The following HS2ST1 variants were observed in gnomAD, a reference collection of about 807,000 sequenced individuals.
HS2ST1 encodes heparan sulfate 2-O-sulfotransferase 1, also known as 2-O-sulfotransferase.
A neutral mutation model predicts 42.9 loss-of-function variants in HS2ST1; 18 were observed. That is an observed-to-expected ratio of 0.42 (90% CI 0.29 to 0.62). The LOEUF (loss-of-function observed/expected upper bound fraction) is 0.62, where lower values mean the gene tolerates loss of function less well. HS2ST1 is among the 20% of genes least tolerant of loss of function. The pLI is 0.21. For synonymous variants in HS2ST1, 146 were observed against 152.9 expected (o/e 0.95, Z 0.33); for missense variants, 334 against 433.8 (o/e 0.77, Z 2.04).
At position 87,073,049 on chromosome 1, in the gene HS2ST1, A is replaced by C. The variant is rs1374877778; in HGVS notation, c.240A>C (p.Arg80Ser). The change falls in exon 2 of 7, where the codon AGA becomes AGC. Residue 80 changes from arginine (R) to serine (S), a missense_variant. Physicochemically the swap from Arg to Ser is moderately radical, Grantham distance 110. Transcript: ENST00000370550. ...AGGACATGGTGATCATTTATAACAG[A>C]GTTCCCAAAACGGCAAGCACTTCAT... ...EEEDMVIIYN[R>S]VPKTASTSFT... The C allele has an allele frequency of 3.1e-6, 5 of 1,613,982 alleles. No homozygotes were observed. In the Admixed American group the frequency reaches 8.3e-5, roughly 27 times the overall value.
intron 1 of HS2ST1, among the ~76,000 whole-genome samples, chr1:86,983,824 C>G (rs1381560157): frequency 6.6e-6 from 1 of 152,004 alleles, no homozygotes; most frequent in African/African-American, 2.4e-5. Flanking sequence ...GGGTGGATCA[C>G]AAGGTCAGGA....
intron 1 of HS2ST1, among the ~76,000 whole-genome samples, chr1:86,969,724 T>C (rs2102207785): frequency 6.6e-6 from 1 of 151,598 alleles, no homozygotes; most frequent in East Asian, 1.9e-4. Flanking sequence ...ATAATTTAAA[T>C]ATTTTAATTA....
intron 3 of HS2ST1, among the ~76,000 whole-genome samples, chr1:87,090,928 C>T (rs1651924993): frequency 6.6e-6 from 1 of 152,028 alleles, no homozygotes; most frequent in East Asian, 1.9e-4. Flanking sequence ...GTACCTTCCT[C>T]ATTACATAAG....
intron 1 of HS2ST1, among the ~76,000 whole-genome samples, chr1:87,071,081 T>C (rs1651391726): frequency 6.6e-6 from 1 of 152,244 alleles, no homozygotes; most frequent in African/African-American, 2.4e-5. Context: ...TATATTTGCA[T>C]ATAAATATAT....
chr1:86,918,786 A>G lies in HS2ST1; in HGVS notation c.124+3626A>G, dbSNP rs940957490. Among the ~76,000 whole-genome samples, 148 of 152,124 alleles carry G rather than the reference A, an allele frequency of 9.7e-4. 1 individual carries two copies. Among genetic ancestry groups the G allele is most frequent in the African/African-American group, 3.4e-3 (140 of 41,556 alleles). ...TAATTTTTGCCAGTGTGAAGCTGTGAAATGATATATTCAATTAATTTACCT... is the reference window on the plus strand; with the variant it reads ...TAATTTTTGCCAGTGTGAAGCTGTGGAATGATATATTCAATTAATTTACCT... On this transcript the variant is annotated intron_variant, in intron 1 of 6. Transcript: ENST00000370550.
rs189766951 is a variant in HS2ST1 at position 87,109,770 on chromosome 1, A to G, written c.*5074A>G. The G allele has an allele frequency of 6.6e-6, 1 of 152,204 alleles. No individual in the cohort carries two copies. The highest frequency in any genetic ancestry group is 2.4e-5 in the African/African-American group (1 of 41,550). The allele number at this position is 152,204 out of a possible 1,614,324, so 9.4% of individuals were successfully genotyped here. ...AACAAAGAGCATGGCTTGAGAATCA[A>G]AGGGATCTGCATTTAGCAATGTGAT... On this transcript the variant is annotated 3_prime_UTR_variant, in exon 7 of 7. Coordinates refer to ENST00000370550, the MANE Select transcript of HS2ST1 (RefSeq NM_012262.4).
In HS2ST1 at chr1:87,105,299, A is replaced by C. The variant is rs1389596524; in HGVS notation, c.*603A>C. 1 of 152,598 alleles carries C rather than the reference A, an allele frequency of 6.6e-6. No homozygotes were observed. Among genetic ancestry groups the C allele is most frequent in the Non-Finnish European group, 1.5e-5 (1 of 67,988 alleles). 9.5% of individuals were successfully genotyped at this position (152,598 alleles called of 1,614,324 possible). A position where few individuals can be genotyped will look rare whatever the true frequency, so the allele number is the denominator to read the frequency against. On this transcript the variant is annotated 3_prime_UTR_variant, in exon 7 of 7. Coordinates refer to ENST00000370550, the MANE Select transcript of HS2ST1 (RefSeq NM_012262.4). ...GGTGATTAGTGTTAAAAATCAATTT[A>C]AATCATGACTAATATGGTAAAAAGA...
At chr1:87,095,754 T>C (rs1570545077) in intron 4 of HS2ST1, among the ~76,000 whole-genome samples, 1 of 152,126 alleles carries the variant, frequency 6.6e-6, no homozygotes, top group East Asian at 1.9e-4. Context: ...TGTTTTGGGT[T>C]ATATCTATTG....
intron 1 of HS2ST1, among the ~76,000 whole-genome samples, chr1:86,971,599 A>G (rs1242651235): frequency 6.6e-6 from 1 of 152,208 alleles, no homozygotes; most frequent in Non-Finnish European, 1.5e-5. Flanking sequence ...TACACGTCCA[A>G]TCTTAGAGTA....
chr1:87,073,593 G>C (rs1287939358), intron 2 of HS2ST1, among the ~76,000 whole-genome samples: 1 of 152,144 alleles, frequency 6.6e-6, no homozygotes, highest in Non-Finnish European at 1.5e-5. Flanking sequence ...GATACAGAGA[G>C]AGTTTATATA....
intron 1 of HS2ST1, among the ~76,000 whole-genome samples, chr1:86,929,904 A>G (rs1570427914): frequency 6.6e-6 from 1 of 151,906 alleles, no homozygotes; most frequent in African/African-American, 2.4e-5. Flanking sequence ...AATACAGAAC[A>G]GTATAGGCTG....
intron 1 of HS2ST1, among the ~76,000 whole-genome samples, chr1:86,984,095 A>G (rs1185445542): frequency 6.6e-6 from 1 of 152,188 alleles, no homozygotes; most frequent in Non-Finnish European, 1.5e-5. Flanking sequence ...CCTGATATTT[A>G]TCATACATTG....
At chr1:86,924,777 C>T (rs1392290081) in intron 1 of HS2ST1, among the ~76,000 whole-genome samples, 1 of 151,956 alleles carries the variant, frequency 6.6e-6, no homozygotes, top group Non-Finnish European at 1.5e-5. Flanking sequence ...ACCATTTTTT[C>T]CTTCTAAACC....
intron 1 of HS2ST1, among the ~76,000 whole-genome samples, chr1:86,984,947 G>A (rs1648712619): frequency 6.7e-6 from 1 of 150,220 alleles, no homozygotes; most frequent in Admixed American, 6.6e-5. Flanking sequence ...CTTACAGATA[G>A]GAGTTGAGTC....
chr1:87,097,423 C>G (rs1204918368), intron 4 of HS2ST1, among the ~76,000 whole-genome samples: 1 of 152,102 alleles, frequency 6.6e-6, no homozygotes, highest in African/African-American at 2.4e-5. Context: ...GAGACGGAGT[C>G]TTGCTCTGTC....
intron 1 of HS2ST1, among the ~76,000 whole-genome samples, chr1:86,938,230 A>G (rs1395052336): frequency 1.3e-5 from 2 of 152,158 alleles, no homozygotes; most frequent in Non-Finnish European, 2.9e-5. Context: ...TCTGTTTTAA[A>G]TTAATGAGAA....
chr1:86,976,704 G>GTGTGTATATATATATATATATATATATA (rs1553134337), intron 1 of HS2ST1, among the ~76,000 whole-genome samples: 1 of 79,662 alleles, frequency 1.3e-5, no homozygotes, highest in African/African-American at 3.5e-5. Context: ...TTATAAAATT[G>GTGTGTATATATATATATATATATATATA]TATATATATA....
intron 2 of HS2ST1, among the ~76,000 whole-genome samples, chr1:87,083,291 C>G (rs537656059): frequency 6.6e-6 from 1 of 152,264 alleles, no homozygotes; most frequent in Admixed American, 6.5e-5. Flanking sequence ...ATTGACAGTT[C>G]TGTGTTTGAG....
intron 1 of HS2ST1, among the ~76,000 whole-genome samples, chr1:86,949,478 G>A (rs1198234416): frequency 3.3e-5 from 5 of 152,096 alleles, no homozygotes; most frequent in Non-Finnish European, 5.9e-5. Flanking sequence ...GCTTAAGCAG[G>A]AGAATCACTT....
Sources: allele counts gnomAD v4.1 joint callset (sites outside exome capture counted in the v4.1 genomes callset), GRCh38; gene constraint gnomAD v4.1.1; transcripts MANE v1.5; gene names NCBI Gene and HGNC (gene_info 2026-07-23, HGNC 2026-07-21).